SLC10A2: variants seen among roughly 807,000 people sequenced by gnomAD.
SLC10A2 encodes the protein ileal sodium/bile acid cotransporter.
Under a neutral mutation model 27.1 loss-of-function variants are expected in SLC10A2, and 34 were observed. That is an observed-to-expected ratio of 1.26 (90% confidence interval 0.96 to 1.67). SLC10A2 has a LOEUF of 1.67. Among genes scored for constraint, SLC10A2 ranks in the 40% most tolerant of loss-of-function variants. SLC10A2 has a pLI of 0.00. For synonymous variants in SLC10A2, 205 were observed against 174.0 expected, an observed-to-expected ratio of 1.18 and a Z score of -1.40; for missense variants, 530 against 444.4, an observed-to-expected ratio of 1.19 and a Z score of -1.73.
intron 5 of SLC10A2, among the ~76,000 whole-genome samples, chr13:103,046,848 G>A (rs141803899): frequency 1.3e-5 from 2 of 152,246 alleles, no homozygotes; most frequent in East Asian, 3.9e-4. Flanking sequence ...TCTGCCCTGC[G>A]AGGCAAGACC....
In SLC10A2 at chr13:103,048,416, G is replaced by A. The variant is rs541476587; in HGVS notation, c.919+873C>T. The stretch of plus-strand genomic sequence containing the variant: ...AAAAAAAAAAGAAAAAAAAAGAAAA[G>A]AAAAGAAAAAAAGAAAAGAGAGAGA... On this transcript the variant is annotated intron_variant, in intron 5 of 5. Transcript: ENST00000245312. 4.9e-5 allele frequency among the ~76,000 whole-genome samples: 7 copies of A among 141,944 alleles called. No homozygotes were observed. The South Asian group carries it at 8.8e-4, about 18-fold the overall frequency. The allele number at this position is 141,944 out of a possible 152,430, so 93.1% of individuals were successfully genotyped here. A position where few individuals can be genotyped will look rare whatever the true frequency, so the allele number is the denominator to read the frequency against.
intron 1 of SLC10A2, among the ~76,000 whole-genome samples, chr13:103,060,792 C>T (rs1024912221): frequency 6.6e-6 from 1 of 151,998 alleles, no homozygotes; most frequent in Non-Finnish European, 1.5e-5. Flanking sequence ...CTCAACAGGT[C>T]GTCATTGAGG....
intron 1 of SLC10A2, 113 bp downstream of exon 1, chr13:103,065,760 C>G (rs943780493): frequency 1.4e-5 from 17 of 1,208,014 alleles, no homozygotes; most frequent in Non-Finnish European, 1.8e-5. Flanking sequence ...CTGTTTGATT[C>G]CTTAGTCATA....
At chr13:103,059,799 C>T (rs528528126) in intron 1 of SLC10A2, among the ~76,000 whole-genome samples, 86 of 152,224 alleles carry the variant, frequency 5.6e-4, no homozygotes, top group African/African-American at 1.9e-3. Flanking sequence ...AATGCATGTC[C>T]GAGGGAGGAG....
At chr13:103,065,147 A>C (rs182805938) in intron 1 of SLC10A2, among the ~76,000 whole-genome samples, 167 of 152,338 alleles carry the variant, frequency 1.1e-3, no homozygotes, top group African/African-American at 3.8e-3. Context: ...TAGTCACATT[A>C]ATGCTTCATC....
At position 103,066,157 on chromosome 13, in the gene SLC10A2, A is replaced by G. The variant is rs199946153; in HGVS notation, c.93T>C (p.Ser31=). The change falls in exon 1 of 6, where the codon AGT becomes AGC. Residue 31 remains serine, a synonymous_variant. Transcript: ENST00000245312. ...VPESNFNNIL[S]VVLSTVLTIL... ...TGGTCAGCACCGTACTTAGGACCAC[A>G]CTTAGGATGTTATTGAAATTGCTCT... is the stretch of plus-strand genomic sequence containing the variant. 6.2e-7 allele frequency: 1 copy of G among 1,614,070 alleles called. No homozygotes were observed. The highest frequency in any genetic ancestry group is 8.5e-7 in the Non-Finnish European group (1 of 1,179,976).
chr13:103,060,381 A>ATTT lies in SLC10A2; in HGVS notation c.378-2002_378-2000dup, dbSNP rs33930404. Reference sequence around the variant, plus strand: ...CTATTAAGAGCTGGTTGCTACTACCATTTTTTTTTTTTTTTTTTTTTTAAA... The same window carrying ATTT: ...CTATTAAGAGCTGGTTGCTACTACCATTTTTTTTTTTTTTTTTTTTTTTTTAAA... On this transcript the variant is annotated intron_variant, in intron 1 of 5. Coordinates refer to ENST00000245312, the MANE Select transcript of SLC10A2 (RefSeq NM_000452.3). 3.1e-3 allele frequency among the ~76,000 whole-genome samples: 408 copies of ATTT among 131,506 alleles called. 2 individuals are homozygous for ATTT. The highest frequency in any genetic ancestry group is 4.7e-3 in the African/African-American group (158 of 33,774). The allele number at this position is 131,506 out of a possible 152,430, so 86.3% of individuals were successfully genotyped here.
chr13:103,053,988 T>A (rs1015318744), intron 2 of SLC10A2, among the ~76,000 whole-genome samples: 15 of 152,216 alleles, frequency 9.9e-5, no homozygotes, highest in African/African-American at 3.6e-4. Flanking sequence ...TCCTGCTGTT[T>A]TGGGAGTGAT....
chr13:103,060,471 G>A (rs1876082122), intron 1 of SLC10A2, among the ~76,000 whole-genome samples: 1 of 150,876 alleles, frequency 6.6e-6, no homozygotes, highest in Non-Finnish European at 1.5e-5. Flanking sequence ...TGAAGCCTGG[G>A]CTCAAGTGAT....
chr13:103,061,608 T>G (rs3783238), intron 1 of SLC10A2, among the ~76,000 whole-genome samples: 40,624 of 151,998 alleles, frequency 0.27, 5,763 homozygotes, highest in Admixed American at 0.33. Flanking sequence ...TGAATATTGC[T>G]AAGACAATCT....
chr13:103,050,074 C>A (rs1875729696), intron 4 of SLC10A2, among the ~76,000 whole-genome samples: 1 of 152,146 alleles, frequency 6.6e-6, no homozygotes, highest in African/African-American at 2.4e-5. Context: ...AGGAGGATCA[C>A]TTGAGCCAAG....
chr13:103,064,251 TA>T (rs200694900), intron 1 of SLC10A2, among the ~76,000 whole-genome samples: 9 of 150,822 alleles, frequency 6.0e-5, no homozygotes, highest in South Asian at 4.2e-4. Flanking sequence ...TAGTTCTTAT[TA>T]AAAAAAATAA....
rs201614833 is a variant in SLC10A2 at position 103,046,085 on chromosome 13, C to T, written c.*48G>A. The T allele has an allele frequency of 6.6e-5, 106 of 1,604,572 alleles. No homozygotes were observed. The highest frequency in any genetic ancestry group is 1.7e-4 in the Middle Eastern group (1 of 6,058). ...CAAAACAAATAATTAAATATAGTTACGGTTTAAGAACGTAATTTGGAACTC... is the reference window on the plus strand; with the variant it reads ...CAAAACAAATAATTAAATATAGTTATGGTTTAAGAACGTAATTTGGAACTC... On this transcript the variant is annotated 3_prime_UTR_variant, in exon 6 of 6. Coordinates refer to ENST00000245312, the MANE Select transcript of SLC10A2 (RefSeq NM_000452.3).
intron 2 of SLC10A2, among the ~76,000 whole-genome samples, chr13:103,053,306 G>C (rs1217235819): frequency 6.6e-6 from 1 of 152,160 alleles, no homozygotes; most frequent in Non-Finnish European, 1.5e-5. Flanking sequence ...TTACAGCAGA[G>C]AGGTGAGAAC....
intron 1 of SLC10A2, among the ~76,000 whole-genome samples, chr13:103,064,247 T>A (rs1876208946): frequency 6.6e-6 from 1 of 151,160 alleles, no homozygotes; most frequent in East Asian, 1.9e-4. Context: ...CTTTTAGTTC[T>A]TATTAAAAAA....
chr13:103,052,409 G>C (rs1300011212), intron 3 of SLC10A2, among the ~76,000 whole-genome samples: 1 of 150,080 alleles, frequency 6.7e-6, no homozygotes, highest in Non-Finnish European at 1.5e-5. Context: ...AGGAGTTCAA[G>C]AACAGCATTA....
intron 1 of SLC10A2, among the ~76,000 whole-genome samples, chr13:103,061,021 A>C (rs1215890693): frequency 6.6e-6 from 1 of 152,228 alleles, no homozygotes; most frequent in Non-Finnish European, 1.5e-5. Flanking sequence ...AACTTCTCTA[A>C]TAATATATTT....
chr13:103,047,733 C>A (rs1407435619), intron 5 of SLC10A2, among the ~76,000 whole-genome samples: 7 of 152,082 alleles, frequency 4.6e-5, no homozygotes, highest in Non-Finnish European at 7.4e-5. Flanking sequence ...TGAGTGCTCC[C>A]TTTTCCTCAT....
chr13:103,053,280 C>T (rs1199419030), intron 2 of SLC10A2, among the ~76,000 whole-genome samples: 2 of 152,152 alleles, frequency 1.3e-5, no homozygotes, highest in Admixed American at 6.5e-5. Context: ...TTAAAACTAG[C>T]TTTAGCTATT....
Sources: allele counts gnomAD v4.1 joint callset (sites outside exome capture counted in the v4.1 genomes callset), GRCh38; gene constraint gnomAD v4.1.1; transcripts MANE v1.5; gene names NCBI Gene and HGNC (gene_info 2026-07-23, HGNC 2026-07-21).